KAT6A: variants seen among roughly 807,000 people sequenced by gnomAD.
KAT6A encodes the protein lysine acetyltransferase 6A.
In KAT6A, 9 loss-of-function variants were observed where a neutral mutation model predicts 198.4. The observed-to-expected ratio is 0.05, with a 90% CI of 0.03 to 0.08. The LOEUF is 0.08. Among genes scored for constraint, KAT6A ranks in the 10% least tolerant of loss-of-function variants. KAT6A has a pLI of 1.00. For missense variants in KAT6A, 2,077 were observed against 2,509.9 expected (o/e 0.83, Z 3.69); for synonymous variants, 890 against 883.0 (o/e 1.01, Z -0.14).
intron 2 of KAT6A, among the ~76,000 whole-genome samples, chr8:42,010,822 T>C (rs140194943): frequency 3.2e-4 from 48 of 152,356 alleles, no homozygotes; most frequent in African/African-American, 1.1e-3. Flanking sequence ...GATTCTTCTT[T>C]GCTTCCCCAG....
intron 11 of KAT6A, 86 bp downstream of exon 11, chr8:41,947,665 T>C (rs998868630): frequency 8.2e-6 from 9 of 1,103,598 alleles, no homozygotes; most frequent in Non-Finnish European, 1.2e-5. Context: ...AGGTGCTGCA[T>C]CTTGTTGTGT....
chr8:41,990,890 G>A (rs1443633981), intron 2 of KAT6A, among the ~76,000 whole-genome samples: 1 of 151,318 alleles, frequency 6.6e-6, no homozygotes, highest in Non-Finnish European at 1.5e-5. Context: ...AGCTAGTCAG[G>A]AGGCTGAGGC....
intron 8 of KAT6A, chr8:41,958,192 G>T (rs1823021776): frequency 6.6e-6 from 1 of 152,162 alleles, no homozygotes; most frequent in Admixed American, 6.5e-5. Context: ...ATGAAAGAAT[G>T]AATTCACATG....
intron 1 of KAT6A, among the ~76,000 whole-genome samples, chr8:42,051,471 G>A (rs961888584): frequency 1.4e-4 from 20 of 147,766 alleles, no homozygotes; most frequent in Non-Finnish European, 2.4e-4. Context: ...CGGCACAGCC[G>A]GCACGCGCGC....
At chr8:41,983,391 T>C (rs749444626) in intron 3 of KAT6A, among the ~76,000 whole-genome samples, 2 of 152,240 alleles carry the variant, frequency 1.3e-5, no homozygotes, top group Non-Finnish European at 2.9e-5. Context: ...AATAGCCATT[T>C]TTATGTTAGA....
At chr8:41,986,001 C>T (rs764490599) in intron 3 of KAT6A, among the ~76,000 whole-genome samples, 3 of 152,020 alleles carry the variant, frequency 2.0e-5, no homozygotes, top group Non-Finnish European at 2.9e-5. Flanking sequence ...AGTGCAGTGA[C>T]GCCATCTCAG....
chr8:42,019,171 C>A (rs1256423858), intron 2 of KAT6A, among the ~76,000 whole-genome samples: 1 of 152,134 alleles, frequency 6.6e-6, no homozygotes, highest in Non-Finnish European at 1.5e-5. Context: ...TTTAGTTCTA[C>A]AACTAAATGA....
At chr8:42,006,690 T>C (rs1825767022) in intron 2 of KAT6A, among the ~76,000 whole-genome samples, 1 of 151,888 alleles carries the variant, frequency 6.6e-6, no homozygotes, top group East Asian at 1.9e-4. Flanking sequence ...AAACCAGGAG[T>C]ATTTATTTAA....
At chr8:42,017,197 T>C (rs1826316769) in intron 2 of KAT6A, among the ~76,000 whole-genome samples, 1 of 152,242 alleles carries the variant, frequency 6.6e-6, no homozygotes, top group Admixed American at 6.5e-5. Context: ...GGTTACTGAA[T>C]GAATCCCCCG....
rs149095717 is a variant in KAT6A at position 41,975,444 on chromosome 8, C to A, written c.1364-622G>T. On this transcript the variant is annotated intron_variant, in intron 7 of 16. Transcript: ENST00000265713. ...GACTTATGAAGATCATTATCCTTTG[C>A]ATTTGAAGATGACACTGCTGTTGGG... Among the ~76,000 whole-genome samples the A allele has an allele frequency of 6.9e-3, 1,044 of 152,236 alleles. 14 individuals carry two copies. Among genetic ancestry groups the A allele is most frequent in the African/African-American group, 0.024 (1,007 of 41,530 alleles).
rs765421683 is a variant in KAT6A at position 41,933,211 on chromosome 8, G to A, written c.5009C>T (p.Pro1670Leu). The change falls in exon 17 of 17, where the codon CCA (proline) becomes CTA (leucine). Residue 1670 changes from proline to leucine, a missense_variant. Coordinates refer to ENST00000265713, the MANE Select transcript of KAT6A (RefSeq NM_006766.5). This position sits in a 1 kb window ranked among gnomAD's most constrained non-coding sequence, Gnocchi z 6.2. ...QPPPPQPQPA[P>L]QPPPPQQQPQ... is the part of the protein sequence containing the mutation. ...CTGCTGCTGGGGTGGTGGAGGCTGT[G>A]GTGCTGGTTGTGGTTGTGGCGGCGG... 6.3e-7 allele frequency: 1 copy of A among 1,579,542 alleles called. No homozygotes were observed. Among genetic ancestry groups the A allele is most frequent in the Admixed American group, 1.8e-5 (1 of 55,734 alleles).
intron 11 of KAT6A, 151 bp downstream of exon 11, chr8:41,947,600 G>C: frequency 1.6e-6 from 1 of 609,158 alleles, no homozygotes; most frequent in Non-Finnish European, 2.8e-6. Flanking sequence ...TCTAGCACCT[G>C]GTAAGTTTCC....
chr8:41,953,627 C>CT (rs1564019403), intron 9 of KAT6A, among the ~76,000 whole-genome samples: 2 of 152,196 alleles, frequency 1.3e-5, no homozygotes, highest in Non-Finnish European at 2.9e-5. Context: ...GCACCCACCA[C>CT]CACGCCTGGC....
chr8:42,023,100 G>C (rs1826629736), intron 2 of KAT6A, among the ~76,000 whole-genome samples: 1 of 152,142 alleles, frequency 6.6e-6, no homozygotes, highest in Non-Finnish European at 1.5e-5. Flanking sequence ...GAAGGCAATT[G>C]TAACACAATG....
At chr8:41,950,719 T>A (rs149323854) in intron 9 of KAT6A, among the ~76,000 whole-genome samples, 269 of 152,314 alleles carry the variant, frequency 1.8e-3, no homozygotes, top group Non-Finnish European at 3.3e-3. Flanking sequence ...ATGGTAAAGA[T>A]AAATGCCAAC....
At chr8:42,022,328 A>C (rs1338377020) in intron 2 of KAT6A, among the ~76,000 whole-genome samples, 1 of 152,138 alleles carries the variant, frequency 6.6e-6, no homozygotes, top group Non-Finnish European at 1.5e-5. Context: ...CTGCTTTCAA[A>C]TCAGACCCAG....
chr8:41,981,025 A>G lies in KAT6A; in HGVS notation c.826-98T>C, dbSNP rs147493559. 38 of 862,832 alleles carry G rather than the reference A, an allele frequency of 4.4e-5. No individual in the cohort carries two copies. The African/African-American group carries it at 5.8e-4, about 13-fold the overall frequency. The allele number at this position is 862,832 out of a possible 1,614,324, so 53.4% of individuals were successfully genotyped here. A position where few individuals can be genotyped will look rare whatever the true frequency, so the allele number is the denominator to read the frequency against. ...AAACCTAGAAAGCTTCAGGGATCTT[A>G]AAAAAAGAGATAAGCCAGGCGCAAT... On this transcript the variant is annotated intron_variant, in intron 4 of 16. Coordinates refer to ENST00000265713, the MANE Select transcript of KAT6A (RefSeq NM_006766.5).
chr8:41,938,568 T>G (rs1254101365), intron 15 of KAT6A, among the ~76,000 whole-genome samples: 1 of 152,104 alleles, frequency 6.6e-6, no homozygotes, highest in Non-Finnish European at 1.5e-5. Flanking sequence ...ATATACAAGA[T>G]GAACTTGAAG....
At chr8:42,044,419 G>A (rs1426012339) in intron 2 of KAT6A, among the ~76,000 whole-genome samples, 3 of 151,816 alleles carry the variant, frequency 2.0e-5, no homozygotes, top group Non-Finnish European at 2.9e-5. Context: ...TTTAATCACA[G>A]TATCCCATGG....
Sources: allele counts gnomAD v4.1 joint callset (sites outside exome capture counted in the v4.1 genomes callset), GRCh38; gene constraint gnomAD v4.1.1; non-coding constraint Gnocchi (gnomAD v3.1); transcripts MANE v1.5; gene names NCBI Gene and HGNC (gene_info 2026-07-23, HGNC 2026-07-21).